Variants in CHSY3 observed in about 807,000 individuals in gnomAD.
The protein encoded by CHSY3 is chondroitin sulfate synthase 3, also known as N-acetylgalactosaminyl-proteoglycan 3-beta-glucuronosyltransferase 3.
A neutral mutation model predicts 67.2 loss-of-function variants in CHSY3; 35 were observed. That is an observed-to-expected ratio of 0.52 (90% CI 0.40 to 0.69). The LOEUF is 0.69. Among genes scored for constraint, CHSY3 ranks in the 30% least tolerant of loss-of-function variants. The pLI, the probability that CHSY3 is intolerant of heterozygous loss-of-function variation, is 0.00. For missense variants in CHSY3, 1,069 were observed against 1,138.5 expected, an observed-to-expected ratio of 0.94 and a Z score of 0.88; for synonymous variants, 474 against 434.7, an observed-to-expected ratio of 1.09 and a Z score of -1.12.
intron 2 of CHSY3, among the ~76,000 whole-genome samples, chr5:130,072,648 A>G (rs924700345): frequency 6.6e-6 from 1 of 152,034 alleles, no homozygotes; most frequent in Non-Finnish European, 1.5e-5. Flanking sequence ...ATTTGGGGTC[A>G]TTTGTGGTTC....
At chr5:130,045,130 AC>A (rs1765108532) in intron 2 of CHSY3, among the ~76,000 whole-genome samples, 1 of 152,146 alleles carries the variant, frequency 6.6e-6, no homozygotes, top group Non-Finnish European at 1.5e-5. Flanking sequence ...AGCTGAGAGT[AC>A]AGACACACAC....
intron 2 of CHSY3, among the ~76,000 whole-genome samples, chr5:130,150,209 G>C (rs899478121): frequency 6.6e-6 from 1 of 152,080 alleles, no homozygotes; most frequent in African/African-American, 2.4e-5. Flanking sequence ...GATACACACT[G>C]TATTCCAATA....
At chr5:130,016,517 T>G (rs1288894966) in intron 2 of CHSY3, among the ~76,000 whole-genome samples, 2 of 117,832 alleles carry the variant, frequency 1.7e-5, no homozygotes, top group East Asian at 2.8e-4. Context: ...GTTCAAGTGA[T>G]TCTACTGCCT....
At chr5:130,002,026 G>T (rs901982894) in intron 2 of CHSY3, 2 of 879,372 alleles carry the variant, frequency 2.3e-6, no homozygotes, top group Middle Eastern at 5.7e-4. Context: ...TCCTTTTTCT[G>T]TGTTCTTTTT....
At chr5:129,911,569 A>C (rs1040446003) in intron 2 of CHSY3, among the ~76,000 whole-genome samples, 2 of 152,210 alleles carry the variant, frequency 1.3e-5, no homozygotes, top group Non-Finnish European at 2.9e-5. Context: ...AATGTTATAG[A>C]TATCACGTAC....
chr5:130,180,660 C>A (rs1770217230), intron 2 of CHSY3, among the ~76,000 whole-genome samples: 1 of 151,970 alleles, frequency 6.6e-6, no homozygotes, highest in South Asian at 2.1e-4. Flanking sequence ...CAAGACCAGC[C>A]TAGGCAACAT....
chr5:129,976,306 A>G (rs1056372953), intron 2 of CHSY3, among the ~76,000 whole-genome samples: 3 of 152,160 alleles, frequency 2.0e-5, no homozygotes, highest in Non-Finnish European at 4.4e-5. Flanking sequence ...CTCAAAGACT[A>G]TCTATCCATG....
intron 2 of CHSY3, among the ~76,000 whole-genome samples, chr5:130,096,381 C>T (rs1288342216): frequency 5.9e-5 from 9 of 152,140 alleles, no homozygotes; most frequent in Admixed American, 6.5e-5. Context: ...CCCTGTCAAC[C>T]AGTATGGACT....
intron 2 of CHSY3, among the ~76,000 whole-genome samples, chr5:130,081,171 G>C (rs986353169): frequency 6.6e-6 from 1 of 152,136 alleles, no homozygotes; most frequent in Non-Finnish European, 1.5e-5. Flanking sequence ...TATGAGTTCA[G>C]TTAATGAAAA....
At chr5:129,904,053 C>G (rs1411524186), upstream of CHSY3, among the ~76,000 whole-genome samples, 1 of 152,006 alleles carries the variant, frequency 6.6e-6, no homozygotes, top group African/African-American at 2.4e-5. Context: ...CTCCCGGACC[C>G]GAGCTCCGCC....
At chr5:130,072,675 T>C (rs185230076) in intron 2 of CHSY3, among the ~76,000 whole-genome samples, 18 of 152,260 alleles carry the variant, frequency 1.2e-4, no homozygotes, top group African/African-American at 4.1e-4. Context: ...AACTTTAGGA[T>C]TTTTTCCTAT....
chr5:130,056,920 T>A, intron 2 of CHSY3, among the ~76,000 whole-genome samples: 1 of 5,894 alleles, frequency 1.7e-4, no homozygotes, highest in African/African-American at 3.2e-4. Context: ...ATTTCTTTCT[T>A]TTTTTTTTTT....
intron 2 of CHSY3, among the ~76,000 whole-genome samples, chr5:129,990,920 C>T (rs1439029227): frequency 6.6e-6 from 1 of 152,048 alleles, no homozygotes; most frequent in Non-Finnish European, 1.5e-5. Context: ...CTACAGAGCA[C>T]ATAACCCAGC....
At chr5:129,998,212 G>A (rs1462324580) in intron 2 of CHSY3, among the ~76,000 whole-genome samples, 2 of 150,190 alleles carry the variant, frequency 1.3e-5, no homozygotes, top group Non-Finnish European at 3.0e-5. Flanking sequence ...ATATGTATGT[G>A]TATAGTTAAA....
Position 129,964,479 on chromosome 5 carries a change from C to A in CHSY3, c.1086+56119C>A, listed in dbSNP as rs4836484. Among the ~76,000 whole-genome samples the A allele has an allele frequency of 1.3e-3, 192 of 151,916 alleles. 1 individual carries two copies. The East Asian group carries it at 0.031, about 24-fold the overall frequency. On this transcript the variant is annotated intron_variant, in intron 2 of 2. Coordinates refer to ENST00000305031, the MANE Select transcript of CHSY3 (RefSeq NM_175856.5). ...AATTTTTCCCGAAGCTAGGGGCTAACACAGCCCAAGTGTGCATTCAGATAT... is the reference window on the plus strand; with the variant it reads ...AATTTTTCCCGAAGCTAGGGGCTAAAACAGCCCAAGTGTGCATTCAGATAT...
intron 2 of CHSY3, among the ~76,000 whole-genome samples, chr5:130,137,190 C>T (rs1331912929): frequency 6.6e-6 from 1 of 152,176 alleles, no homozygotes; most frequent in Non-Finnish European, 1.5e-5. Flanking sequence ...TTTGTAGGTT[C>T]TGTTTGCACA....
intron 2 of CHSY3, among the ~76,000 whole-genome samples, chr5:130,173,385 C>G (rs1046389433): frequency 4.6e-5 from 7 of 152,058 alleles, no homozygotes; most frequent in Non-Finnish European, 8.8e-5. Flanking sequence ...TCCAGTTTCT[C>G]TCACTGATAA....
At chr5:130,051,953 AAAG>A (rs1024799337) in intron 2 of CHSY3, 4 of 151,688 alleles carry the variant, frequency 2.6e-5, no homozygotes, top group African/African-American at 9.7e-5. Flanking sequence ...AAAAAAAAAA[AAAG>A]AAACTCACCT....
At chr5:129,932,421 C>A (rs968507925) in intron 2 of CHSY3, among the ~76,000 whole-genome samples, 2 of 152,024 alleles carry the variant, frequency 1.3e-5, no homozygotes, top group Non-Finnish European at 2.9e-5. Context: ...TCAGAGTCCA[C>A]TGATTTAAAT....
Sources: allele counts gnomAD v4.1 joint callset (sites outside exome capture counted in the v4.1 genomes callset), GRCh38; gene constraint gnomAD v4.1.1; transcripts MANE v1.5; gene names NCBI Gene and HGNC (gene_info 2026-07-23, HGNC 2026-07-21).